The following COMMD1 variants were observed in gnomAD, a reference collection of about 807,000 sequenced individuals.
COMMD1 encodes COMM domain-containing protein 1.
A neutral mutation model predicts 17.2 loss-of-function variants in COMMD1; 10 were observed. The observed-to-expected ratio is 0.58, with a 90% confidence interval of 0.36 to 0.99. COMMD1 has a LOEUF of 0.99. COMMD1 is among the 50% of genes least tolerant of loss of function. The pLI, the probability that COMMD1 is intolerant of heterozygous loss-of-function variation, is 0.01. For missense variants in COMMD1, 270 were observed against 231.8 expected (o/e 1.17, Z -1.07); for synonymous variants, 97 against 91.6 (o/e 1.06, Z -0.34).
chr2:62,097,701 TATA>T (rs1459709365), intron 2 of COMMD1, among the ~76,000 whole-genome samples: 2 of 152,192 alleles, frequency 1.3e-5, no homozygotes, highest in Non-Finnish European at 2.9e-5. Flanking sequence ...ATTTAAAGGC[TATA>T]ATAAGAGAGT....
At chr2:62,037,798 T>TA (rs1363019623) in intron 2 of COMMD1, among the ~76,000 whole-genome samples, 3 of 152,154 alleles carry the variant, frequency 2.0e-5, no homozygotes, top group Non-Finnish European at 4.4e-5. Flanking sequence ...ATTCTGGGGG[T>TA]AAAATAAAAT....
intron 2 of COMMD1, among the ~76,000 whole-genome samples, chr2:62,025,572 G>C (rs971637455): frequency 2.0e-5 from 3 of 152,064 alleles, no homozygotes; most frequent in Admixed American, 2.0e-4. Context: ...AACCCCAAAG[G>C]CAGAAAGTAG....
chr2:61,999,959 T>G (rs1668879617), intron 1 of COMMD1, among the ~76,000 whole-genome samples: 1 of 149,144 alleles, frequency 6.7e-6, no homozygotes, highest in Admixed American at 6.7e-5. Flanking sequence ...AGTCTTGCTC[T>G]GTCGCTCAGG....
chr2:62,100,817 C>G (rs1224842093), intron 2 of COMMD1, among the ~76,000 whole-genome samples: 1 of 151,984 alleles, frequency 6.6e-6, no homozygotes, highest in African/African-American at 2.4e-5. Context: ...TTGGGAGGAC[C>G]TGGAAGAAAA....
intron 1 of COMMD1, among the ~76,000 whole-genome samples, chr2:61,911,108 A>C (rs1669895347): frequency 6.7e-6 from 1 of 150,260 alleles, no homozygotes; most frequent in African/African-American, 2.4e-5. Flanking sequence ...TTTTTTTTTT[A>C]ATGAAAATTC....
At chr2:61,944,130 G>A (rs1351084799) in intron 1 of COMMD1, among the ~76,000 whole-genome samples, 1 of 152,126 alleles carries the variant, frequency 6.6e-6, no homozygotes, top group Non-Finnish European at 1.5e-5. Context: ...TTAATTGCAG[G>A]AGGAAAGGCA....
At chr2:62,116,437 C>T (rs1180550772) in intron 2 of COMMD1, among the ~76,000 whole-genome samples, 2 of 151,910 alleles carry the variant, frequency 1.3e-5, no homozygotes, top group African/African-American at 2.4e-5. Context: ...TTTGGGAGGC[C>T]GAGGCAGGCG....
intron 2 of COMMD1, among the ~76,000 whole-genome samples, chr2:62,116,718 GCTCATGCCTGTAAAT>G (rs1386008020): frequency 6.0e-5 from 9 of 149,254 alleles, no homozygotes; most frequent in Middle Eastern, 3.5e-3. Flanking sequence ...GGGCGTGGTG[GCTCATGCCTGTAAAT>G]CCCAGCACTT....
At chr2:62,131,538 C>G (rs1673033600) in intron 2 of COMMD1, among the ~76,000 whole-genome samples, 1 of 151,896 alleles carries the variant, frequency 6.6e-6, no homozygotes, top group Admixed American at 6.6e-5. Flanking sequence ...TTTCCTTTCC[C>G]TTTCCCTTTC....
At chr2:61,996,268 T>C (rs1298626512) in intron 1 of COMMD1, among the ~76,000 whole-genome samples, 1 of 152,068 alleles carries the variant, frequency 6.6e-6, no homozygotes, top group Non-Finnish European at 1.5e-5. Context: ...CATATTCTTT[T>C]TGCTGGTGGA....
chr2:61,969,387 A>G (rs894337158), intron 1 of COMMD1, among the ~76,000 whole-genome samples: 2 of 152,188 alleles, frequency 1.3e-5, no homozygotes, highest in Admixed American at 6.5e-5. Flanking sequence ...ACTCATTACT[A>G]ACAATAGTCA....
At chr2:61,953,105 G>GT (rs1351029705) in intron 1 of COMMD1, among the ~76,000 whole-genome samples, 2 of 152,184 alleles carry the variant, frequency 1.3e-5, no homozygotes, top group Non-Finnish European at 2.9e-5. Context: ...CACCTCCTGA[G>GT]TTTAAGTGAT....
intron 2 of COMMD1, among the ~76,000 whole-genome samples, chr2:62,064,349 T>G (rs1358489719): frequency 6.6e-6 from 1 of 152,008 alleles, no homozygotes; most frequent in African/African-American, 2.4e-5. Context: ...AATTTTTGTA[T>G]TTTTAGTAGA....
At chr2:62,043,408 G>A (rs538893417) in intron 2 of COMMD1, among the ~76,000 whole-genome samples, 4 of 152,208 alleles carry the variant, frequency 2.6e-5, no homozygotes, top group African/African-American at 9.6e-5. Flanking sequence ...GTCTCATAAG[G>A]AAGAAGGAAA....
intron 1 of COMMD1, among the ~76,000 whole-genome samples, chr2:61,952,980 AC>A (rs1671097597): frequency 6.6e-6 from 1 of 152,110 alleles, no homozygotes; most frequent in Non-Finnish European, 1.5e-5. Context: ...CAGTTCTTTG[AC>A]CTCCTTGCCA....
intron 1 of COMMD1, among the ~76,000 whole-genome samples, chr2:61,892,427 C>T (rs1346226098): frequency 1.3e-5 from 2 of 152,032 alleles, no homozygotes; most frequent in Non-Finnish European, 2.9e-5. Flanking sequence ...GGTGCGGTGG[C>T]TCATGCTGTA....
chr2:62,044,624 A>G (rs575897237), intron 2 of COMMD1, among the ~76,000 whole-genome samples: 4 of 152,286 alleles, frequency 2.6e-5, no homozygotes, highest in Admixed American at 2.0e-4. Context: ...TGCAGAATAG[A>G]TTTAAGGATT....
intron 2 of COMMD1, among the ~76,000 whole-genome samples, chr2:62,002,182 T>G (rs953815927): frequency 3.4e-5 from 5 of 145,856 alleles, no homozygotes; most frequent in African/African-American, 1.3e-4. Flanking sequence ...AGAAAAAAAT[T>G]TTTTTTAAAT....
intron 2 of COMMD1, among the ~76,000 whole-genome samples, chr2:62,082,080 A>C (rs944515255): frequency 6.6e-6 from 1 of 152,192 alleles, no homozygotes; most frequent in African/African-American, 2.4e-5. Context: ...CCTTGTATCC[A>C]TTAGTTTGAC....
Sources: allele counts gnomAD v4.1 joint callset (sites outside exome capture counted in the v4.1 genomes callset), GRCh38; gene constraint gnomAD v4.1.1; transcripts MANE v1.5; gene names NCBI Gene and HGNC (gene_info 2026-07-23, HGNC 2026-07-21).